The following PRDM14 variants were observed in gnomAD, a reference collection of about 807,000 sequenced individuals.
The protein encoded by PRDM14 is PR/SET domain 14, also known as PR domain zinc finger protein 14.
PRDM14 carries 16 observed loss-of-function variants against 48.0 expected under a neutral mutation model. The observed-to-expected ratio is 0.33, with a 90% CI of 0.23 to 0.51. PRDM14 has a LOEUF of 0.51. Ranked by LOEUF, PRDM14 falls within the 20% of genes least tolerant of loss-of-function variation. The probability of loss-of-function intolerance (pLI) is 0.97; values close to 1 mark genes in which losing one functional copy is unlikely to be tolerated. For synonymous variants in PRDM14, 264 were observed against 276.6 expected (o/e 0.95, Z 0.45); for missense variants, 566 against 719.6 (o/e 0.79, Z 2.44).
At chr8:70,059,191 G>A (rs763811326) in intron 5 of PRDM14, among the ~76,000 whole-genome samples, 4 of 152,148 alleles carry the variant, frequency 2.6e-5, no homozygotes, top group African/African-American at 4.8e-5. Context: ...CTGACCTCAG[G>A]TGATCAGCCC....
Position 70,068,931 on chromosome 8 carries a change from A to G in PRDM14, c.700+230T>C, listed in dbSNP as rs1462823570. Among the ~76,000 whole-genome samples, 9 of 152,164 alleles carry G rather than the reference A, an allele frequency of 5.9e-5. No individual in the cohort carries two copies. The South Asian group carries it at 1.0e-3, about 18-fold the overall frequency. On this transcript the variant is annotated intron_variant, in intron 2 of 7. Transcript: ENST00000276594. ...ACCTACCTGGGAGTTCGCTGCAGGA[A>G]CCATTTCTCTCTTGGTCCTCAGCTC...
chr8:70,070,025 G>A lies in PRDM14; in HGVS notation c.-24-141C>T, dbSNP rs1805740827. ...AAACGCCCCCAGTCCGATCCCGCCAGCCCGCTCCCACAATTAAGACAAAAC... is the reference window on the plus strand; with the variant it reads ...AAACGCCCCCAGTCCGATCCCGCCAACCCGCTCCCACAATTAAGACAAAAC... On this transcript the variant is annotated intron_variant, in intron 1 of 7. Coordinates refer to ENST00000276594, the MANE Select transcript of PRDM14 (RefSeq NM_024504.4). 5.4e-6 allele frequency: 3 copies of A among 559,062 alleles called. No homozygotes were observed. The African/African-American group carries it at 5.7e-5, about 11-fold the overall frequency. 34.6% of individuals were successfully genotyped at this position (559,062 alleles called of 1,614,324 possible). A position where few individuals can be genotyped will look rare whatever the true frequency, so the allele number is the denominator to read the frequency against.
At chr8:70,060,878 C>A (rs761836683) in intron 5 of PRDM14, among the ~76,000 whole-genome samples, 100 of 152,300 alleles carry the variant, frequency 6.6e-4, no homozygotes, top group African/African-American at 2.0e-3. Flanking sequence ...ATTCAAGGGA[C>A]CTTCTTAGTT....
intron 6 of PRDM14, among the ~76,000 whole-genome samples, chr8:70,056,675 A>G (rs927086429): frequency 6.6e-6 from 1 of 151,526 alleles, no homozygotes; most frequent in African/African-American, 2.4e-5. Flanking sequence ...TTAGCTGAGC[A>G]TGGTGGCATG....
Position 70,069,434 on chromosome 8 carries a change from A to G in PRDM14, c.427T>C (p.Cys143Arg), listed in dbSNP as rs770903805. 1 of 1,591,198 alleles carries G rather than the reference A, an allele frequency of 6.3e-7. No individual in the cohort carries two copies. The highest frequency in any genetic ancestry group is 1.1e-5 in the South Asian group (1 of 87,414). ...IIGGDNESGP[C>R]CGPDTLIPPP... ...GGAATTAAAGTGTCAGGTCCACAACACGGGCCACTCTCGTTGTCGCCACCA... is the reference window on the plus strand; with the variant it reads ...GGAATTAAAGTGTCAGGTCCACAACGCGGGCCACTCTCGTTGTCGCCACCA... Residue 143 changes from cysteine to arginine, a missense_variant, in exon 2 of 8, where the codon TGT (cysteine) becomes CGT (arginine). Physicochemically the swap from Cys to Arg is radical, Grantham distance 180 (BLOSUM62 -3). Coordinates refer to ENST00000276594, the MANE Select transcript of PRDM14 (RefSeq NM_024504.4).
At chr8:70,057,785 C>A (rs976997932) in intron 6 of PRDM14, among the ~76,000 whole-genome samples, 4 of 152,146 alleles carry the variant, frequency 2.6e-5, no homozygotes, top group African/African-American at 7.2e-5. Context: ...TTTAGAATTA[C>A]ACAAATGCAT....
intron 6 of PRDM14, among the ~76,000 whole-genome samples, chr8:70,058,427 TCC>T (rs1805517421): frequency 2.0e-5 from 3 of 152,168 alleles, no homozygotes; most frequent in Non-Finnish European, 4.4e-5. Flanking sequence ...TCCATGTTCC[TCC>T]CTCTGTGGGT....
Position 70,052,106 on chromosome 8 carries a change from A to C in PRDM14, c.1687T>G (p.Ser563Ala). Residue 563 changes from serine (S) to alanine (A), a missense_variant, in exon 8 of 8, where the codon TCC becomes GCC. Ser to Ala is a moderately conservative substitution (Grantham distance 99). This residue lies in a region of PRDM14 where 30 missense variants were observed against 23.4 expected (regional missense o/e 1.28). Coordinates refer to ENST00000276594, the MANE Select transcript of PRDM14 (RefSeq NM_024504.4). ...TAGTCTTCATGAAACTTCATGTGGGAGTAGAATGTTTCTTGATCTGAGAAG... is the reference window on the plus strand; with the variant it reads ...TAGTCTTCATGAAACTTCATGTGGGCGTAGAATGTTTCTTGATCTGAGAAG... Reference protein sequence around the residue: ...KIFSDQETFYSHMKFHEDY With the variant: ...KIFSDQETFYAHMKFHEDY 24 of 1,610,564 alleles carry C rather than the reference A, an allele frequency of 1.5e-5. No individual in the cohort carries two copies. The highest frequency in any genetic ancestry group is 2.0e-5 in the Non-Finnish European group (24 of 1,178,610).
intron 5 of PRDM14, among the ~76,000 whole-genome samples, chr8:70,065,445 T>C (rs1805651310): frequency 2.6e-5 from 4 of 152,128 alleles, no homozygotes; most frequent in Admixed American, 2.6e-4. Flanking sequence ...TAGAGTGGGC[T>C]GGTGGTTCCC....
At chr8:70,067,421 G>A (rs768558292) in intron 4 of PRDM14, among the ~76,000 whole-genome samples, 165 of 151,844 alleles carry the variant, frequency 1.1e-3, no homozygotes, top group Admixed American at 4.1e-3. Context: ...GGAAGACTGA[G>A]GCAAGAGAAT....
At chr8:70,055,456 T>G in intron 6 of PRDM14, 55 bp from the exon 7 acceptor site, 1 of 1,032,156 alleles carries the variant, frequency 9.7e-7, no homozygotes, top group African/African-American at 1.6e-5. Flanking sequence ...AACAAGTCCA[T>G]TTCAACCTTG....
chr8:70,063,695 T>C (rs1228617911), intron 5 of PRDM14, among the ~76,000 whole-genome samples: 1 of 151,986 alleles, frequency 6.6e-6, no homozygotes, highest in Non-Finnish European at 1.5e-5. Context: ...GCTAATTTTT[T>C]GTATTTTAGT....
At chr8:70,062,928 G>A (rs1805610320) in intron 5 of PRDM14, among the ~76,000 whole-genome samples, 1 of 152,140 alleles carries the variant, frequency 6.6e-6, no homozygotes, top group Non-Finnish European at 1.5e-5. Flanking sequence ...TGGAGCTGCT[G>A]AGCCTGTATC....
Position 70,052,033 on chromosome 8 carries a change from C to T in PRDM14, c.*44G>A, listed in dbSNP as rs1178754723. 4 of 1,415,026 alleles carry T rather than the reference C, an allele frequency of 2.8e-6. No homozygotes were observed. The highest frequency in any genetic ancestry group is 2.9e-6 in the Non-Finnish European group (3 of 1,022,238). 87.7% of individuals were successfully genotyped at this position (1,415,026 alleles called of 1,614,324 possible). On this transcript the variant is annotated 3_prime_UTR_variant, in exon 8 of 8. Transcript: ENST00000276594. ...GAGTGATCCACCCACCTCTGCCTCC[C>T]AAAGTGCTGGGATTACAGGCGTGAG...
chr8:70,053,098 T>TAA (rs71275048), intron 7 of PRDM14, among the ~76,000 whole-genome samples: 13,538 of 81,894 alleles, frequency 0.17, 1,364 homozygotes, highest in Middle Eastern at 0.22. Context: ...ACCCTCTCTT[T>TAA]AAAAAAAAAA....
At chr8:70,056,291 G>A (rs1805470953) in intron 6 of PRDM14, among the ~76,000 whole-genome samples, 1 of 152,150 alleles carries the variant, frequency 6.6e-6, no homozygotes, top group Admixed American at 6.6e-5. Flanking sequence ...TACCAGAGAG[G>A]TGCAAGCACC....
rs1395536315 is a variant in PRDM14 at position 70,069,631 on chromosome 8, A to C, written c.230T>G (p.Leu77Trp). 4 of 1,573,678 alleles carry C rather than the reference A, an allele frequency of 2.5e-6. No homozygotes were observed. In the South Asian group the frequency reaches 4.6e-5, roughly 18 times the overall value. The change falls in exon 2 of 8, where the codon TTG becomes TGG. Residue 77 changes from leucine to tryptophan, a missense_variant. Leu to Trp is a moderately conservative substitution (Grantham distance 61). Around this residue, in one of 3 missense-constraint regions of PRDM14, gnomAD observed 410 missense variants for 424.6 expected, o/e 0.97. Coordinates refer to ENST00000276594, the MANE Select transcript of PRDM14 (RefSeq NM_024504.4). ...CTGTAGGCCCAGACCCGGGCTCAGC[A>C]AGGGAGGCGCCATCCGGAAGGGGAA... ...PPFPFRMAPP[L>W]LSPGLGLQRE...
intron 7 of PRDM14, 84 bp downstream of exon 7, chr8:70,055,216 T>A (rs1032548955): frequency 4.1e-6 from 3 of 736,718 alleles, no homozygotes; most frequent in African/African-American, 3.5e-5. Context: ...AAGAACTCAT[T>A]AAGCCAGGCT....
intron 6 of PRDM14, among the ~76,000 whole-genome samples, chr8:70,057,887 T>C (rs1377128122): frequency 6.6e-6 from 1 of 152,132 alleles, no homozygotes; most frequent in Non-Finnish European, 1.5e-5. Context: ...AGGGAGAAAT[T>C]AGGACAATTT....
Sources: allele counts gnomAD v4.1 joint callset (sites outside exome capture counted in the v4.1 genomes callset), GRCh38; gene constraint gnomAD v4.1.1; regional missense constraint gnomAD v4.1.1; transcripts MANE v1.5; gene names NCBI Gene and HGNC (gene_info 2026-07-23, HGNC 2026-07-21).